The following ADTRP variants were observed in gnomAD, a reference collection of about 807,000 sequenced individuals.
The protein encoded by ADTRP is androgen dependent TFPI regulating protein, also known as androgen-dependent TFPI-regulating protein.
A neutral mutation model predicts 27.0 loss-of-function variants in ADTRP; 20 were observed. That is an observed-to-expected ratio of 0.74 (90% CI 0.52 to 1.08). ADTRP has a LOEUF of 1.08. ADTRP is among the 50% of genes least tolerant of loss of function. The pLI is 0.00. For synonymous variants in ADTRP, 101 were observed against 105.2 expected, an observed-to-expected ratio of 0.96 and a Z score of 0.25; for missense variants, 251 against 275.0, an observed-to-expected ratio of 0.91 and a Z score of 0.62.
Position 11,752,269 on chromosome 6 carries a change from T to C in ADTRP, c.390+14005A>G, listed in dbSNP as rs544842663. ...ATTTTTATTCAATGTTTTGGGTGTC[T>C]TATGAAATATTTTTTTTTCATGTTA... is the stretch of plus-strand genomic sequence containing the variant. On this transcript the variant is annotated intron_variant, in intron 3 of 5. Transcript: ENST00000414691. 2.6e-5 allele frequency among the ~76,000 whole-genome samples: 4 copies of C among 152,340 alleles called. No individual in the cohort carries two copies. The East Asian group carries it at 7.7e-4, about 29-fold the overall frequency.
rs1761731466 is a variant in ADTRP at position 11,714,142 on chromosome 6, A to G, written c.*336T>C. The stretch of plus-strand genomic sequence containing the variant: ...AAACTGAAGAGTTTAAATGACTCTA[A>G]GTTCCTCTCTCTCTCTCTAGATGTT... On this transcript the variant is annotated 3_prime_UTR_variant, in exon 6 of 6. Coordinates refer to ENST00000414691, the MANE Select transcript of ADTRP (RefSeq NM_032744.4). 1.1e-5 allele frequency: 3 copies of G among 282,052 alleles called. No individual in the cohort carries two copies. Among genetic ancestry groups the G allele is most frequent in the Non-Finnish European group, 2.0e-5 (3 of 150,570 alleles). The allele number at this position is 282,052 out of a possible 1,614,324, so 17.5% of individuals were successfully genotyped here.
intron 3 of ADTRP, among the ~76,000 whole-genome samples, chr6:11,737,441 G>A (rs1243117263): frequency 6.6e-6 from 1 of 152,166 alleles, no homozygotes. Context: ...GGAACTCTGG[G>A]TGCTGGCTCT....
intron 3 of ADTRP, among the ~76,000 whole-genome samples, chr6:11,745,889 C>A (rs550451305): frequency 1.3e-5 from 2 of 152,158 alleles, no homozygotes; most frequent in South Asian, 2.1e-4. Context: ...TGCCTGGGTT[C>A]AAGCGATTCT....
chr6:11,720,999 G>A (rs1762007433), intron 5 of ADTRP, among the ~76,000 whole-genome samples: 1 of 152,178 alleles, frequency 6.6e-6, no homozygotes, highest in Non-Finnish European at 1.5e-5. Context: ...AGATGAACAA[G>A]ACATACCCCT....
chr6:11,744,527 G>A (rs1762807923), intron 3 of ADTRP, among the ~76,000 whole-genome samples: 1 of 152,186 alleles, frequency 6.6e-6, no homozygotes, highest in South Asian at 2.1e-4. Context: ...TACAGAGCCA[G>A]CAGAGACTGT....
At chr6:11,727,646 T>C (rs755780926) in intron 4 of ADTRP, among the ~76,000 whole-genome samples, 5 of 152,196 alleles carry the variant, frequency 3.3e-5, no homozygotes, top group Non-Finnish European at 7.3e-5. Flanking sequence ...GTTTGTTTCC[T>C]TCAGCATAAG....
chr6:11,752,693 T>A (rs182009721), intron 3 of ADTRP, among the ~76,000 whole-genome samples: 69 of 152,352 alleles, frequency 4.5e-4, no homozygotes, highest in Admixed American at 4.0e-3. Flanking sequence ...TAACCTCATG[T>A]CTGCAATCTT....
intron 3 of ADTRP, among the ~76,000 whole-genome samples, chr6:11,763,415 G>C (rs560912089): frequency 1.3e-5 from 2 of 152,306 alleles, no homozygotes; most frequent in South Asian, 4.1e-4. Flanking sequence ...AGGGAGTGTT[G>C]AGAAATGAAA....
intron 3 of ADTRP, among the ~76,000 whole-genome samples, 195 bp downstream of exon 3, chr6:11,766,079 T>C (rs1360994676): frequency 6.6e-6 from 1 of 152,258 alleles, no homozygotes; most frequent in Non-Finnish European, 1.5e-5. Flanking sequence ...TCTCCTGTGT[T>C]CTCAGTAGAC....
rs1303304498 is a variant in ADTRP, at chr6:11,723,253, T to C, written c.658+96A>G. ...GGACAAAGACAGTAAGCATCATTGC[T>C]TCTGTTTGCGGCTAGTTTTTCTTTC... On this transcript the variant is annotated intron_variant, in intron 5 of 5. Transcript: ENST00000414691. The C allele has an allele frequency of 5.4e-6, 8 of 1,477,036 alleles. No homozygotes were observed. The Admixed American group carries it at 5.7e-5, about 10-fold the overall frequency. 91.5% of individuals were successfully genotyped at this position (1,477,036 alleles called of 1,614,324 possible). A position where few individuals can be genotyped will look rare whatever the true frequency, so the allele number is the denominator to read the frequency against.
chr6:11,770,992 C>T (rs982859865), intron 1 of ADTRP, among the ~76,000 whole-genome samples: 2 of 152,212 alleles, frequency 1.3e-5, no homozygotes, highest in Non-Finnish European at 2.9e-5. Context: ...CTCCGCCCGG[C>T]GTGTGAAGTC....
At chr6:11,740,919 A>C (rs1468057277) in intron 3 of ADTRP, among the ~76,000 whole-genome samples, 1 of 152,180 alleles carries the variant, frequency 6.6e-6, no homozygotes, top group Non-Finnish European at 1.5e-5. Flanking sequence ...GGACTTAAAA[A>C]ACAACAACTT....
chr6:11,778,773 C>T lies in ADTRP; in HGVS notation c.-14G>A, dbSNP rs756657122. The T allele has an allele frequency of 1.7e-5, 28 of 1,611,528 alleles. No individual in the cohort carries two copies. The highest frequency in any genetic ancestry group is 4.5e-5 in the East Asian group (2 of 44,818). On this transcript the variant is annotated 5_prime_UTR_variant, in exon 1 of 6. Transcript: ENST00000414691. ...AGTCTTCGTCATGGCGAGTGCTGAC[C>T]GGGGCACCGTGAATGTCTTGAGTAC... is the stretch of plus-strand genomic sequence containing the variant.
intron 1 of ADTRP, among the ~76,000 whole-genome samples, chr6:11,774,959 C>T (rs888081416): frequency 6.6e-6 from 1 of 152,164 alleles, no homozygotes; most frequent in African/African-American, 2.4e-5. Flanking sequence ...CTTGGTCTCA[C>T]GCCTAGCCTC....
chr6:11,765,920 CT>C (rs74463617), intron 3 of ADTRP, among the ~76,000 whole-genome samples: 14,211 of 151,482 alleles, frequency 0.094, 1,034 homozygotes, highest in East Asian at 0.19. Flanking sequence ...TTGGGGTGGG[CT>C]TTTTTTTTAA....
At chr6:11,735,221 A>T (rs1489450154) in intron 4 of ADTRP, among the ~76,000 whole-genome samples, 1 of 152,208 alleles carries the variant, frequency 6.6e-6, no homozygotes, top group South Asian at 2.1e-4. Context: ...GATGCCTCAG[A>T]TCCCTCAGCC....
intron 3 of ADTRP, among the ~76,000 whole-genome samples, chr6:11,750,072 A>T (rs1040299357): frequency 1.3e-5 from 2 of 152,184 alleles, no homozygotes; most frequent in Non-Finnish European, 2.9e-5. Flanking sequence ...GACTCAGAAA[A>T]TTGCTCAAGC....
chr6:11,726,623 GA>G (rs1762213253), intron 4 of ADTRP, among the ~76,000 whole-genome samples: 1 of 152,136 alleles, frequency 6.6e-6, no homozygotes, highest in African/African-American at 2.4e-5. Flanking sequence ...TTCAATCTCT[GA>G]TATCCTTTTA....
chr6:11,756,379 G>GA (rs1763215178), intron 3 of ADTRP, among the ~76,000 whole-genome samples: 1 of 152,046 alleles, frequency 6.6e-6, no homozygotes, highest in South Asian at 2.1e-4. Context: ...AAGGGATGGG[G>GA]AATCACAGTT....
Sources: gnomAD v4.1 joint callset for allele counts (sites outside exome capture counted in the v4.1 genomes callset) on GRCh38, gnomAD v4.1.1 for gene constraint, MANE v1.5 for transcripts, NCBI Gene and HGNC (gene_info 2026-07-23, HGNC 2026-07-21) for gene names.